The following KATNAL1 variants were observed in gnomAD, a reference collection of about 807,000 sequenced individuals.
KATNAL1 encodes the protein katanin p60 ATPase-containing subunit A-like 1.
KATNAL1 carries 32 observed loss-of-function variants against 55.2 expected under a neutral mutation model. The observed-to-expected ratio is 0.58, with a 90% CI of 0.44 to 0.78. KATNAL1 has a LOEUF of 0.78. Ranked by LOEUF, KATNAL1 falls within the 30% of genes least tolerant of loss-of-function variation. The pLI is 0.00. For missense variants in KATNAL1, 466 were observed against 600.9 expected (o/e 0.78, Z 2.35); for synonymous variants, 193 against 193.6 (o/e 1.00, Z 0.02).
chr13:30,278,699 T>A (rs1351587924), intron 3 of KATNAL1, among the ~76,000 whole-genome samples: 1 of 152,234 alleles, frequency 6.6e-6, no homozygotes, highest in East Asian at 1.9e-4. Flanking sequence ...ATTTCAGAAT[T>A]AATGACTTTC....
rs553002269 is a variant in KATNAL1 at position 30,284,720 on chromosome 13, T to A, written c.-14-929A>T. On this transcript the variant is annotated intron_variant, in intron 1 of 10. Coordinates refer to ENST00000380615, the MANE Select transcript of KATNAL1 (RefSeq NM_032116.5). Reference sequence around the variant, plus strand: ...ATATCTTTTTGGCCATGCAAATAACTATTGTTATTTTCCTTTCTATAAGAT... The same window carrying A: ...ATATCTTTTTGGCCATGCAAATAACAATTGTTATTTTCCTTTCTATAAGAT... 1.3e-3 allele frequency among the ~76,000 whole-genome samples: 203 copies of A among 152,320 alleles called. 2 individuals are homozygous for A. In the Middle Eastern group the frequency reaches 0.014, roughly 10 times the overall value.
intron 1 of KATNAL1, among the ~76,000 whole-genome samples, chr13:30,295,524 G>A (rs1421056585): frequency 1.3e-5 from 2 of 152,092 alleles, no homozygotes; most frequent in Non-Finnish European, 2.9e-5. Context: ...AACATTTCGG[G>A]AGGCCAAGGC....
rs555209704 is a variant in KATNAL1 at position 30,207,902 on chromosome 13, C to A, written c.*638G>T. ...TACTAAAGACAGAGAAATGACCTGG[C>A]AAAATGATTCAAATACCACAGAGCG... is the stretch of plus-strand genomic sequence containing the variant. On this transcript the variant is annotated 3_prime_UTR_variant, in exon 11 of 11. Coordinates refer to ENST00000380615, the MANE Select transcript of KATNAL1 (RefSeq NM_032116.5). The A allele has an allele frequency of 4.6e-5, 7 of 152,224 alleles. No individual in the cohort carries two copies. Among genetic ancestry groups the A allele is most frequent in the East Asian group, 3.9e-4 (2 of 5,190 alleles). 9.4% of individuals were successfully genotyped at this position (152,224 alleles called of 1,614,324 possible).
chr13:30,294,089 G>A (rs895627735), intron 1 of KATNAL1, among the ~76,000 whole-genome samples: 2 of 152,022 alleles, frequency 1.3e-5, no homozygotes, highest in East Asian at 1.9e-4. Context: ...TCCTTTTCCC[G>A]GAGACACAAT....
At chr13:30,284,548 T>C (rs764111972) in intron 1 of KATNAL1, among the ~76,000 whole-genome samples, 1 of 152,174 alleles carries the variant, frequency 6.6e-6, no homozygotes, top group Admixed American at 6.5e-5. Flanking sequence ...AAGTTATACT[T>C]AAAGAATACA....
chr13:30,231,807 G>C (rs1263671081), intron 6 of KATNAL1, among the ~76,000 whole-genome samples: 1 of 152,120 alleles, frequency 6.6e-6, no homozygotes, highest in Admixed American at 6.5e-5. Flanking sequence ...AAAAGCAACT[G>C]TTCTGTTTAC....
At chr13:30,230,215 A>G (rs1875953734) in intron 8 of KATNAL1, among the ~76,000 whole-genome samples, 1 of 152,180 alleles carries the variant, frequency 6.6e-6, no homozygotes, top group African/African-American at 2.4e-5. Flanking sequence ...GCCTCCAGAA[A>G]CTTTGCTCCA....
chr13:30,221,997 G>A (rs1349095550), intron 9 of KATNAL1, among the ~76,000 whole-genome samples: 1 of 152,162 alleles, frequency 6.6e-6, no homozygotes, highest in East Asian at 1.9e-4. Context: ...GTTGCAGTGA[G>A]GTAAGATTGC....
At chr13:30,260,069 C>T (rs186437632) in intron 3 of KATNAL1, among the ~76,000 whole-genome samples, 36 of 152,290 alleles carry the variant, frequency 2.4e-4, no homozygotes, top group African/African-American at 8.2e-4. Context: ...CTGACCCCGA[C>T]CCCCCAGCAG....
chr13:30,247,890 T>C (rs907313339), intron 4 of KATNAL1, among the ~76,000 whole-genome samples: 4 of 152,220 alleles, frequency 2.6e-5, no homozygotes, highest in Non-Finnish European at 5.9e-5. Flanking sequence ...TTCTGTAGTA[T>C]ACAGAATGGC....
At chr13:30,208,861 G>A in intron 10 of KATNAL1, 123 bp from the exon 11 acceptor site, 1 of 702,266 alleles carries the variant, frequency 1.4e-6, no homozygotes. Context: ...AGGCTTCTTA[G>A]AATTTTCCAC....
chr13:30,240,768 C>T (rs989195168), intron 5 of KATNAL1, among the ~76,000 whole-genome samples, 191 bp downstream of exon 5: 1 of 152,188 alleles, frequency 6.6e-6, no homozygotes, highest in African/African-American at 2.4e-5. Context: ...GTCAGTTACA[C>T]ATCAACTTCA....
intron 4 of KATNAL1, among the ~76,000 whole-genome samples, chr13:30,244,072 C>T (rs1007978555): frequency 6.6e-6 from 1 of 152,054 alleles, no homozygotes; most frequent in Non-Finnish European, 1.5e-5. Context: ...TCATGTTATC[C>T]TTCCCCTAGT....
chr13:30,252,802 G>T (rs1364086636), intron 4 of KATNAL1, among the ~76,000 whole-genome samples: 1 of 151,740 alleles, frequency 6.6e-6, no homozygotes, highest in East Asian at 1.9e-4. Context: ...GAGTGCAGTG[G>T]CTGGATCTCA....
chr13:30,274,867 G>A (rs930818700), intron 3 of KATNAL1, among the ~76,000 whole-genome samples: 40 of 150,926 alleles, frequency 2.7e-4, no homozygotes, highest in Admixed American at 6.0e-4. Flanking sequence ...ATATATGTTG[G>A]GGGCGGGGTG....
intron 9 of KATNAL1, among the ~76,000 whole-genome samples, chr13:30,213,996 A>T (rs937041006): frequency 2.6e-5 from 4 of 152,222 alleles, no homozygotes; most frequent in Non-Finnish European, 5.9e-5. Flanking sequence ...CCCTGTTTGC[A>T]GATGACATGA....
At chr13:30,220,374 T>C (rs772469022) in intron 9 of KATNAL1, among the ~76,000 whole-genome samples, 7 of 151,866 alleles carry the variant, frequency 4.6e-5, no homozygotes, top group Admixed American at 2.0e-4. Context: ...GGCAGGAGAA[T>C]TGCTTGAATG....
rs55740915 is a variant in KATNAL1 at position 30,274,891 on chromosome 13, A to ACATATGCG, written c.323+5171_323+5172insCGCATATG. 7.4e-5 allele frequency among the ~76,000 whole-genome samples: 9 copies of ACATATGCG among 122,190 alleles called. No individual in the cohort carries two copies. The East Asian group carries it at 2.0e-3, about 28-fold the overall frequency. The allele number at this position is 122,190 out of a possible 152,430, so 80.2% of individuals were successfully genotyped here. ...GGGGGCGGGGTGTGTGCACACACAT[A>ACATATGCG]CGCGCGCGCGCGCGCGCACACACAC... On this transcript the variant is annotated intron_variant, in intron 3 of 10. Transcript: ENST00000380615.
At chr13:30,259,082 G>C (rs1879028272) in intron 3 of KATNAL1, among the ~76,000 whole-genome samples, 1 of 152,208 alleles carries the variant, frequency 6.6e-6, no homozygotes, top group African/African-American at 2.4e-5. Context: ...GCTCACACTT[G>C]TAATCCCAGC....
Sources: gnomAD v4.1 joint callset for allele counts (sites outside exome capture counted in the v4.1 genomes callset) on GRCh38, gnomAD v4.1.1 for gene constraint, MANE v1.5 for transcripts, NCBI Gene and HGNC (gene_info 2026-07-23, HGNC 2026-07-21) for gene names.